The following SLC14A2 variants were observed in gnomAD, a reference collection of about 807,000 sequenced individuals.
The protein encoded by SLC14A2 is solute carrier family 14 member 2.
In SLC14A2, 91 loss-of-function variants were observed where a neutral mutation model predicts 104.6. The ratio of observed to expected loss-of-function variants is 0.87; its 90% CI spans 0.73 to 1.04. The LOEUF (loss-of-function observed/expected upper bound fraction) is 1.04, where lower values mean the gene tolerates loss of function less well. Among genes scored for constraint, SLC14A2 ranks in the 50% least tolerant of loss-of-function variants. The pLI is 0.00. For missense variants in SLC14A2, 1,189 were observed against 1,156.0 expected (o/e 1.03, Z -0.41); for synonymous variants, 476 against 466.4 (o/e 1.02, Z -0.27).
At chr18:45,570,030 G>C (rs1166811315) in intron 2 of SLC14A2, among the ~76,000 whole-genome samples, 1 of 152,172 alleles carries the variant, frequency 6.6e-6, no homozygotes, top group African/African-American at 2.4e-5. Flanking sequence ...AATTGGAACT[G>C]TTTCAAATGG....
At chr18:45,453,029 G>A (rs1395703070) in intron 1 of SLC14A2, among the ~76,000 whole-genome samples, 2 of 152,180 alleles carry the variant, frequency 1.3e-5, no homozygotes, top group African/African-American at 4.8e-5. Flanking sequence ...GCAAGATGAG[G>A]CACTGTTAAT....
intron 1 of SLC14A2, among the ~76,000 whole-genome samples, chr18:45,353,224 G>C (rs1470281749): frequency 6.6e-6 from 1 of 152,216 alleles, no homozygotes; most frequent in East Asian, 1.9e-4. Flanking sequence ...GCCATAGTTT[G>C]CTTTAACAGA....
intron 1 of SLC14A2, among the ~76,000 whole-genome samples, chr18:45,249,361 T>C (rs1432655383): frequency 6.6e-6 from 1 of 152,012 alleles, no homozygotes; most frequent in Non-Finnish European, 1.5e-5. Context: ...CCTGTGTGTG[T>C]GCTGAACATG....
intron 12 of SLC14A2, 58 bp downstream of exon 12, chr18:45,666,277 A>C: frequency 1.7e-6 from 2 of 1,154,176 alleles, no homozygotes; most frequent in Non-Finnish European, 1.3e-6. Context: ...AGCCCACAGC[A>C]GATGAGGGAG....
chr18:45,503,548 C>T (rs1350133554), intron 2 of SLC14A2, among the ~76,000 whole-genome samples: 11 of 152,312 alleles, frequency 7.2e-5, no homozygotes, highest in Non-Finnish European at 1.5e-5. Context: ...TTGACTACTC[C>T]ATCAAGCTTT....
chr18:45,613,913 G>A (rs1463039530), upstream of SLC14A2, among the ~76,000 whole-genome samples: 2 of 152,234 alleles, frequency 1.3e-5, no homozygotes, highest in Non-Finnish European at 2.9e-5. Flanking sequence ...TTTCTGGGGA[G>A]AAATTCAAGC....
At chr18:45,414,743 GT>G (rs2086251202) in intron 1 of SLC14A2, among the ~76,000 whole-genome samples, 1 of 40,716 alleles carries the variant, frequency 2.5e-5, no homozygotes, top group Non-Finnish European at 4.0e-5. Flanking sequence ...GGCACCGAGC[GT>G]AAAAAAAAAA....
At chr18:45,324,510 C>T (rs1979349) in intron 1 of SLC14A2, among the ~76,000 whole-genome samples, 2 of 152,064 alleles carry the variant, frequency 1.3e-5, no homozygotes, top group Non-Finnish European at 2.9e-5. Context: ...CTCACACCCT[C>T]CTAGCTTCTG....
At chr18:45,572,491 G>T (rs2044361726) in intron 2 of SLC14A2, among the ~76,000 whole-genome samples, 1 of 152,240 alleles carries the variant, frequency 6.6e-6, no homozygotes, top group Middle Eastern at 3.4e-3. Flanking sequence ...CCTGGCAATT[G>T]ATCTACTCAT....
intron 1 of SLC14A2, among the ~76,000 whole-genome samples, chr18:45,471,706 G>A (rs966794782): frequency 6.6e-6 from 1 of 151,892 alleles, no homozygotes; most frequent in African/African-American, 2.4e-5. Context: ...TGCTGCTGAT[G>A]GGTCCCTAAT....
intron 1 of SLC14A2, chr18:45,435,279 A>G (rs527944975): frequency 6.6e-6 from 1 of 152,336 alleles, no homozygotes; most frequent in East Asian, 1.9e-4. Context: ...AGTTGCTTTG[A>G]TCAAACTCAC....
rs137884313 is a variant in SLC14A2 at position 45,639,768 on chromosome 18, G to A, written c.866G>A (p.Gly289Glu). Residue 289 changes from glycine to glutamate, a missense_variant, in exon 7 of 20, where the codon GGG becomes GAG. Transcript: ENST00000255226. ...CAGCTGTTACAAGCCATCCCTGTTGGGGTCGGCCAGGTGTATGGCTGTGAC... is the reference window on the plus strand; with the variant it reads ...CAGCTGTTACAAGCCATCCCTGTTGAGGTCGGCCAGGTGTATGGCTGTGAC... ...MPLLLQAIPV[G>E]VGQVYGCDNP... 19 of 1,613,788 alleles carry A rather than the reference G, an allele frequency of 1.2e-5. No individual in the cohort carries two copies. Among genetic ancestry groups the A allele is most frequent in the East Asian group, 2.2e-5 (1 of 44,882 alleles).
At chr18:45,584,663 AAG>A (rs1310777008) in intron 2 of SLC14A2, among the ~76,000 whole-genome samples, 1 of 152,204 alleles carries the variant, frequency 6.6e-6, no homozygotes, top group Non-Finnish European at 1.5e-5. Context: ...CTTTTTTGAA[AAG>A]AGAGTTTGCA....
intron 1 of SLC14A2, among the ~76,000 whole-genome samples, chr18:45,393,411 T>C (rs189614421): frequency 4.3e-4 from 65 of 152,274 alleles, no homozygotes; most frequent in African/African-American, 1.3e-3. Flanking sequence ...CCAGCCCAAG[T>C]TTATAACGTG....
At chr18:45,222,414 G>C (rs944701654) in intron 1 of SLC14A2, among the ~76,000 whole-genome samples, 10 of 152,314 alleles carry the variant, frequency 6.6e-5, no homozygotes, top group African/African-American at 2.4e-4. Flanking sequence ...GTGAACAATG[G>C]AGTATTAGTG....
chr18:45,562,875 C>T (rs1216378350), intron 2 of SLC14A2, among the ~76,000 whole-genome samples: 1 of 152,168 alleles, frequency 6.6e-6, no homozygotes, highest in African/African-American at 2.4e-5. Context: ...GCCTGCTCTG[C>T]TCTGGTCCCT....
chr18:45,510,785 T>G (rs1399087417), intron 2 of SLC14A2, among the ~76,000 whole-genome samples: 1 of 152,128 alleles, frequency 6.6e-6, no homozygotes, highest in Admixed American at 6.5e-5. Flanking sequence ...TTGTCCTGCT[T>G]ACACAGCAGA....
chr18:45,226,240 C>T (rs1373412858), intron 1 of SLC14A2, among the ~76,000 whole-genome samples: 1 of 152,304 alleles, frequency 6.6e-6, no homozygotes, highest in South Asian at 2.1e-4. Context: ...ACTAGTTCAA[C>T]TGCTGTGGAA....
chr18:45,256,809 G>A (rs983004547), intron 1 of SLC14A2, among the ~76,000 whole-genome samples: 1 of 152,212 alleles, frequency 6.6e-6, no homozygotes, highest in African/African-American at 2.4e-5. Flanking sequence ...GGGAAAAGGG[G>A]CAAATCTCAG....
Sources: gnomAD v4.1 joint callset for allele counts (sites outside exome capture counted in the v4.1 genomes callset) on GRCh38, gnomAD v4.1.1 for gene constraint, MANE v1.5 for transcripts, NCBI Gene and HGNC (gene_info 2026-07-23, HGNC 2026-07-21) for gene names.